The following KIF4A variants were observed in gnomAD, a reference collection of about 807,000 sequenced individuals.
KIF4A encodes the protein kinesin family member 4A.
A neutral mutation model predicts 105.9 loss-of-function variants in KIF4A; 7 were observed. The observed-to-expected ratio is 0.07, with a 90% CI of 0.04 to 0.12. KIF4A has a LOEUF of 0.12. Ranked by LOEUF, KIF4A falls within the 10% of genes least tolerant of loss-of-function variation. The pLI is 1.00. For synonymous variants in KIF4A, 281 were observed against 331.3 expected (o/e 0.85, Z 1.65); for missense variants, 558 against 929.2 (o/e 0.60, Z 5.19).
intron 16 of KIF4A, 64 bp from the exon 17 acceptor site, chrX:70,375,140 A>G: frequency 1.7e-6 from 2 of 1,150,800 alleles, no homozygotes; most frequent in African/African-American, 1.8e-5. Context: ...GGAGTCTAGT[A>G]TTATGTCTTT....
chrX:70,406,138 A>C (rs975293957), intron 26 of KIF4A, 121 bp from the exon 27 acceptor site: 24 of 583,648 alleles, frequency 4.1e-5, no homozygotes, highest in Non-Finnish European at 5.9e-5. Context: ...ACTCTACTAT[A>C]ATCCTGCATC....
chrX:70,320,757 G>A (rs1013508607), intron 7 of KIF4A, among the ~76,000 whole-genome samples: 2 of 111,525 alleles, frequency 1.8e-5, no homozygotes, highest in Non-Finnish European at 3.8e-5. Context: ...AAGTTCTAAT[G>A]TTTGATAGCA....
chrX:70,356,488 G>A (rs1351417202), intron 15 of KIF4A, among the ~76,000 whole-genome samples: 1 of 111,714 alleles, frequency 9.0e-6, no homozygotes. Flanking sequence ...GCTTGAACCC[G>A]GGAGGTGGAG....
intron 3 of KIF4A, among the ~76,000 whole-genome samples, chrX:70,293,878 A>T (rs137948864): frequency 8.9e-6 from 1 of 112,298 alleles, no homozygotes; most frequent in East Asian, 2.8e-4. Context: ...ATTGTATACT[A>T]CTGTAGACTT....
At chrX:70,331,652 A>G (rs1404196721) in intron 9 of KIF4A, among the ~76,000 whole-genome samples, 4 of 107,304 alleles carry the variant, frequency 3.7e-5, no homozygotes, top group African/African-American at 1.3e-4. Context: ...AAAAAAAACC[A>G]CAGTATCTGT....
intron 3 of KIF4A, among the ~76,000 whole-genome samples, chrX:70,293,638 G>C (rs933011251): frequency 8.9e-6 from 1 of 112,217 alleles, no homozygotes; most frequent in Non-Finnish European, 1.9e-5. Flanking sequence ...ACTGCTCCTA[G>C]GCTACAAACC....
Position 70,417,877 on chromosome X carries a change from C to G in KIF4A, c.3256-11C>G, listed in dbSNP as rs750416948. On this transcript the variant is annotated splice_polypyrimidine_tract_variant and intron_variant, in intron 28 of 30. Coordinates refer to ENST00000374403, the MANE Select transcript of KIF4A (RefSeq NM_012310.5). ...TTCAGTAATGTGTCTTTCTGCAAAC[C>G]TGTTTTGCAGTGTTCCTGCAAGGGC... The G allele has an allele frequency of 8.4e-7, 1 of 1,187,460 alleles. No individual in the cohort carries two copies. The highest frequency in any genetic ancestry group is 1.1e-6 in the Non-Finnish European group (1 of 877,975).
intron 15 of KIF4A, among the ~76,000 whole-genome samples, chrX:70,359,612 CTT>C (rs751272309): frequency 1.8e-5 from 2 of 110,497 alleles, no homozygotes; most frequent in Non-Finnish European, 3.8e-5. Context: ...GGGTGTGAAT[CTT>C]TTCCTCATGC....
At chrX:70,319,610 T>A (rs1239351303) in intron 7 of KIF4A, among the ~76,000 whole-genome samples, 2 of 112,057 alleles carry the variant, frequency 1.8e-5, no homozygotes, top group African/African-American at 6.5e-5. Context: ...GTCTTATACA[T>A]CTTTTGTACT....
intron 18 of KIF4A, among the ~76,000 whole-genome samples, chrX:70,378,653 G>A (rs914198415): frequency 1.8e-5 from 2 of 109,209 alleles, no homozygotes; most frequent in Non-Finnish European, 3.8e-5. Context: ...GCTTGAACCC[G>A]GGAGGTGGAG....
At position 70,321,879 on chromosome X, in the gene KIF4A, C is replaced by G. The variant is rs140450990; in HGVS notation, c.779-7526C>G. On this transcript the variant is annotated intron_variant, in intron 7 of 30. Transcript: ENST00000374403. The stretch of plus-strand genomic sequence containing the variant: ...GTCCTCCACTGACTTGGTAATTCTG[C>G]AGGTCTGACATCCTGCCCCTTCTTC... Among the ~76,000 whole-genome samples, 783 of 110,945 alleles carry G rather than the reference C, an allele frequency of 7.1e-3. 13 individuals carry two copies. The highest frequency in any genetic ancestry group is 0.025 in the African/African-American group (750 of 30,452).
intron 10 of KIF4A, among the ~76,000 whole-genome samples, chrX:70,336,677 T>C (rs754020475): frequency 1.3e-4 from 15 of 112,089 alleles, no homozygotes; most frequent in Non-Finnish European, 2.4e-4. Context: ...ATTGTCCATG[T>C]CTTTTCTCAT....
At chrX:70,329,352 G>A in intron 7 of KIF4A, 53 bp from the exon 8 acceptor site, 1 of 991,921 alleles carries the variant, frequency 1.0e-6, no homozygotes, top group South Asian at 2.1e-5. Flanking sequence ...AAGAAACATA[G>A]GTATATGTTG....
chrX:70,366,697 G>A (rs1053407200), intron 15 of KIF4A, among the ~76,000 whole-genome samples: 1 of 111,767 alleles, frequency 8.9e-6, no homozygotes, highest in African/African-American at 3.3e-5. Flanking sequence ...GAATAGGTGT[G>A]GTGTGGTGCT....
At chrX:70,297,307 T>C in intron 4 of KIF4A, 119 bp downstream of exon 4, 1 of 628,553 alleles carries the variant, frequency 1.6e-6, no homozygotes. Flanking sequence ...AATTAATTGA[T>C]AGAGAAAACT....
intron 7 of KIF4A, among the ~76,000 whole-genome samples, chrX:70,302,937 C>G (rs1014427215): frequency 1.4e-4 from 16 of 111,925 alleles, no homozygotes; most frequent in African/African-American, 4.9e-4. Flanking sequence ...AAATTAACAT[C>G]CAGCTCTATA....
intron 29 of KIF4A, among the ~76,000 whole-genome samples, chrX:70,418,484 A>G (rs913762364): frequency 5.4e-5 from 6 of 111,549 alleles, no homozygotes; most frequent in Non-Finnish European, 1.1e-4. Flanking sequence ...CCATGGCTCT[A>G]GAAAAAGACC....
At chrX:70,313,925 G>A (rs182808917) in intron 7 of KIF4A, among the ~76,000 whole-genome samples, 105 of 112,381 alleles carry the variant, frequency 9.3e-4, no homozygotes, top group African/African-American at 3.2e-3. Context: ...AGAGTTGTGG[G>A]AATTAAGTGA....
At position 70,319,733 on chromosome X, in the gene KIF4A, G is replaced by A. The variant is rs752350548; in HGVS notation, c.779-9672G>A. Among the ~76,000 whole-genome samples, 76 of 112,621 alleles carry A rather than the reference G, an allele frequency of 6.7e-4. 1 individual carries two copies. The highest frequency in any genetic ancestry group is 4.6e-3 in the Middle Eastern group (1 of 217). On this transcript the variant is annotated intron_variant, in intron 7 of 30. Coordinates refer to ENST00000374403, the MANE Select transcript of KIF4A (RefSeq NM_012310.5). The stretch of plus-strand genomic sequence containing the variant: ...ACCTACCATAAATGTATAGCTTGCT[G>A]CATTTTCACTAACTGAACAAACCCA...
Sources: gnomAD v4.1 joint callset for allele counts (sites outside exome capture counted in the v4.1 genomes callset) on GRCh38, gnomAD v4.1.1 for gene constraint, MANE v1.5 for transcripts, NCBI Gene and HGNC (gene_info 2026-07-23, HGNC 2026-07-21) for gene names.